Variants in DUSP22 observed in about 807,000 individuals in gnomAD.
The protein encoded by DUSP22 is dual specificity protein phosphatase 22.
A neutral mutation model predicts 24.5 loss-of-function variants in DUSP22; 24 were observed. The observed-to-expected ratio is 0.98, with a 90% CI of 0.71 to 1.38. The LOEUF (loss-of-function observed/expected upper bound fraction) is 1.38. Among genes scored for constraint, DUSP22 ranks in the 40% most tolerant of loss-of-function variants. DUSP22 has a pLI of 0.00. For missense variants in DUSP22, 330 were observed against 269.2 expected (o/e 1.23, Z -1.58); for synonymous variants, 160 against 106.4 (o/e 1.50, Z -3.10).
At chr6:313,024 A>C (rs192388135) in intron 3 of DUSP22, among the ~76,000 whole-genome samples, 1 of 135,356 alleles carries the variant, frequency 7.4e-6, no homozygotes, top group East Asian at 2.2e-4. Flanking sequence ...ATTTTATTGG[A>C]AATAACAACA....
chr6:310,892 A>T (rs1758054935), intron 2 of DUSP22, among the ~76,000 whole-genome samples: 1 of 152,308 alleles, frequency 6.6e-6, no homozygotes, highest in South Asian at 2.1e-4. Flanking sequence ...TATTAATCTA[A>T]GTGCATTTCA....
In DUSP22 at chr6:350,865, G is replaced by A. The variant is rs759853591; in HGVS notation, c.*1914G>A. The A allele has an allele frequency of 6.2e-7, 1 of 1,614,130 alleles. No homozygotes were observed. The highest frequency in any genetic ancestry group is 1.7e-5 in the Admixed American group (1 of 60,018). On this transcript the variant is annotated 3_prime_UTR_variant, in exon 7 of 7. Transcript: ENST00000419235. ...AGTTCTGGGCCTTTCTCAGAAGACT[G>A]TAATGTACCTGAAGTTTCTGAAATA...
Position 348,133 on chromosome 6 carries a change from G to C in DUSP22, c.294G>C (p.Leu98=), listed in dbSNP as rs1320219479. 6.2e-7 allele frequency: 1 copy of C among 1,614,294 alleles called. No homozygotes were observed. Among genetic ancestry groups the C allele is most frequent in the African/African-American group, 1.3e-5 (1 of 75,090 alleles). ...CCGGGGTCTCCAGGAGCGTGACACT[G>C]GTGATCGCATACATCATGACCGTCA... ...CLAGVSRSVT[L]VIAYIMTVTD... is the part of the protein sequence containing the mutation. Residue 98 remains leucine, a synonymous_variant, in exon 6 of 7, where the codon CTG becomes CTC. Coordinates refer to ENST00000419235, the MANE Select transcript of DUSP22 (RefSeq NM_001286555.3).
In DUSP22 at chr6:349,233, G is replaced by C; in HGVS notation, c.*282G>C. On this transcript the variant is annotated 3_prime_UTR_variant, in exon 7 of 7. Coordinates refer to ENST00000419235, the MANE Select transcript of DUSP22 (RefSeq NM_001286555.3). ...CGTGTGTGTGAGTGCACTTGTGTGT[G>C]GGTGACTAAGTGGATGCATGTGTGT... is the stretch of plus-strand genomic sequence containing the variant. The C allele has an allele frequency of 7.3e-7, 1 of 1,372,514 alleles. No homozygotes were observed. The highest frequency in any genetic ancestry group is 1.4e-5 in the African/African-American group (1 of 68,970). 85.0% of individuals were successfully genotyped at this position (1,372,514 alleles called of 1,614,324 possible).
At position 330,412 on chromosome 6, in the gene DUSP22, G is replaced by A. The variant is rs1028359178; in HGVS notation, c.139-4702G>A. 2.6e-5 allele frequency among the ~76,000 whole-genome samples: 4 copies of A among 152,420 alleles called. No homozygotes were observed. In the East Asian group the frequency reaches 7.7e-4, roughly 29 times the overall value. On this transcript the variant is annotated intron_variant, in intron 3 of 6. Coordinates refer to ENST00000419235, the MANE Select transcript of DUSP22 (RefSeq NM_001286555.3). Reference sequence around the variant, plus strand: ...CTTGTGCAAAGCAGAATGTCAGCTGGGCTCTTGAGAAGACTCTCCTTCTTA... The same window carrying A: ...CTTGTGCAAAGCAGAATGTCAGCTGAGCTCTTGAGAAGACTCTCCTTCTTA...
In DUSP22 at chr6:345,858, A is replaced by G; in HGVS notation, c.193A>G (p.Arg65Gly). 2.5e-6 allele frequency: 4 copies of G among 1,614,222 alleles called. No individual in the cohort carries two copies. Among genetic ancestry groups the G allele is most frequent in the Non-Finnish European group, 3.4e-6 (4 of 1,180,004 alleles). Residue 65 changes from arginine (R) to glycine (G), a missense_variant, in exon 5 of 7, where the codon AGA becomes GGA. By Grantham distance (125) the Arg-to-Gly change is moderately radical. Transcript: ENST00000419235. ...AADSPSQNLT[R>G]HFKESIKFIH... The stretch of plus-strand genomic sequence containing the variant: ...TCTCTTTTTTTCTTTTCCCAGGACA[A>G]GACATTTCAAAGAAAGTATTAAATT...
Position 295,628 on chromosome 6 carries a change from A to T in DUSP22, c.21+3068A>T, listed in dbSNP as rs971027722. ...TGTTTCTACCAAAAATACAAAAAAA[A>T]AACCCACAAAAACAAAGCAATCAGC... On this transcript the variant is annotated intron_variant, in intron 1 of 6. Transcript: ENST00000419235. Among the ~76,000 whole-genome samples, 21 of 150,884 alleles carry T rather than the reference A, an allele frequency of 1.4e-4. No individual in the cohort carries two copies. The South Asian group carries it at 4.2e-3, about 30-fold the overall frequency.
rs1416952557 is a variant in DUSP22, at chr6:310,549, A to AT, written c.56-1325dup. Reference sequence around the variant, plus strand: ...GTTTGGAATTTCCAGAAAAAGTTTCATTTTTTAATTGTGCTTTAAAGTGAA... The same window carrying AT: ...GTTTGGAATTTCCAGAAAAAGTTTCATTTTTTTAATTGTGCTTTAAAGTGAA... On this transcript the variant is annotated intron_variant, in intron 2 of 6. Coordinates refer to ENST00000419235, the MANE Select transcript of DUSP22 (RefSeq NM_001286555.3). Among the ~76,000 whole-genome samples, 4 of 152,302 alleles carry AT rather than the reference A, an allele frequency of 2.6e-5. No individual in the cohort carries two copies. In the East Asian group the frequency reaches 5.8e-4, roughly 22 times the overall value.
In DUSP22 at chr6:311,408, C is replaced by T. The variant is rs145616647; in HGVS notation, c.56-472C>T. The stretch of plus-strand genomic sequence containing the variant: ...AAATAAAGTTAGGCAAGGCCGGGCG[C>T]GGTGGCTCACGCCTGTAATCCCAGC... On this transcript the variant is annotated intron_variant, in intron 2 of 6. Coordinates refer to ENST00000419235, the MANE Select transcript of DUSP22 (RefSeq NM_001286555.3). Among the ~76,000 whole-genome samples, 1,109 of 152,038 alleles carry T rather than the reference C, an allele frequency of 7.3e-3. 1 individual carries two copies. The highest frequency in any genetic ancestry group is 0.011 in the Non-Finnish European group (779 of 67,794).
chr6:328,911 A>G (rs1306789807), intron 3 of DUSP22, among the ~76,000 whole-genome samples: 4 of 152,308 alleles, frequency 2.6e-5, no homozygotes, highest in East Asian at 1.9e-4. Context: ...AAGTTTTTCC[A>G]GGTGTAATCT....
chr6:306,219 T>C (rs546874772), intron 2 of DUSP22, among the ~76,000 whole-genome samples: 1 of 152,418 alleles, frequency 6.6e-6, no homozygotes, highest in Admixed American at 6.5e-5. Flanking sequence ...GAGAACAGAG[T>C]TTAGGATAAG....
At chr6:298,161 C>T (rs959118334) in intron 1 of DUSP22, among the ~76,000 whole-genome samples, 6 of 152,302 alleles carry the variant, frequency 3.9e-5, no homozygotes, top group South Asian at 2.1e-4. Flanking sequence ...ATTTTTATTT[C>T]GTGTTGAAGA....
chr6:345,181 G>A (rs1759801362), intron 4 of DUSP22, among the ~76,000 whole-genome samples: 1 of 152,236 alleles, frequency 6.6e-6, no homozygotes, highest in Non-Finnish European at 1.5e-5. Context: ...GGGACTAGGA[G>A]AGCTTTCAGT....
chr6:295,511 G>A (rs764076913), intron 1 of DUSP22, among the ~76,000 whole-genome samples: 335 of 152,276 alleles, frequency 2.2e-3, no homozygotes, highest in Middle Eastern at 6.8e-3. Flanking sequence ...GTGGTGGCTC[G>A]TGCCTGTAAT....
At chr6:297,376 C>G (rs1222582498) in intron 1 of DUSP22, among the ~76,000 whole-genome samples, 4 of 152,424 alleles carry the variant, frequency 2.6e-5, no homozygotes, top group Admixed American at 6.5e-5. Flanking sequence ...TTGGATGTGA[C>G]TGACACTTGT....
intron 3 of DUSP22, among the ~76,000 whole-genome samples, chr6:331,564 A>G (rs1240164172): frequency 1.3e-5 from 2 of 152,300 alleles, no homozygotes; most frequent in Non-Finnish European, 2.9e-5. Context: ...GAAACCATCT[A>G]TTCCACATCA....
chr6:311,230 G>A (rs1278731227), intron 2 of DUSP22, among the ~76,000 whole-genome samples: 2 of 152,306 alleles, frequency 1.3e-5, no homozygotes, highest in Admixed American at 6.5e-5. Context: ...CATAGCAGAT[G>A]GCTTCAAGGT....
rs571489242 is a variant in DUSP22 at position 310,254 on chromosome 6, C to T, written c.56-1626C>T. The stretch of plus-strand genomic sequence containing the variant: ...GGGATTACAGGTGTCAGTCACCATG[C>T]CCGGCCTAAACATTTGCCTTCTGAT... On this transcript the variant is annotated intron_variant, in intron 2 of 6. Coordinates refer to ENST00000419235, the MANE Select transcript of DUSP22 (RefSeq NM_001286555.3). 2.6e-5 allele frequency among the ~76,000 whole-genome samples: 4 copies of T among 152,422 alleles called. No individual in the cohort carries two copies. The East Asian group carries it at 7.7e-4, about 29-fold the overall frequency.
At chr6:293,563 A>C (rs1383887089) in intron 1 of DUSP22, among the ~76,000 whole-genome samples, 1 of 152,284 alleles carries the variant, frequency 6.6e-6, no homozygotes, top group East Asian at 1.9e-4. Flanking sequence ...TGGGGATGGC[A>C]ATGTGGCTGT....
Sources: allele counts gnomAD v4.1 joint callset (sites outside exome capture counted in the v4.1 genomes callset), GRCh38; gene constraint gnomAD v4.1.1; transcripts MANE v1.5; gene names NCBI Gene and HGNC (gene_info 2026-07-23, HGNC 2026-07-21).